The following GNAO1 variants were observed in gnomAD, a reference collection of about 807,000 sequenced individuals.
GNAO1 encodes the protein G protein subunit alpha o1.
For synonymous variants in GNAO1, 164 were observed against 180.7 expected (o/e 0.91, Z 0.74); for missense variants, 166 against 478.7 (o/e 0.35, Z 6.10).
At chr16:56,256,708 C>CTGTGTGTGTGTG (rs1158339826) in intron 2 of GNAO1, among the ~76,000 whole-genome samples, 1 of 119,402 alleles carries the variant, frequency 8.4e-6, no homozygotes, top group African/African-American at 3.4e-5. Context: ...CTCTCTCTCT[C>CTGTGTGTGTGTG]TCTCTCTCTC....
intron 2 of GNAO1, among the ~76,000 whole-genome samples, chr16:56,225,340 T>TA (rs1456934677): frequency 2.0e-5 from 3 of 152,240 alleles, no homozygotes; most frequent in South Asian, 2.1e-4. Flanking sequence ...GGGGAGCTAA[T>TA]ACGTGTTCCT....
At chr16:56,218,873 G>T (rs577196247) in intron 2 of GNAO1, among the ~76,000 whole-genome samples, 2 of 152,300 alleles carry the variant, frequency 1.3e-5, no homozygotes, top group African/African-American at 4.8e-5. Flanking sequence ...TGAACCCATA[G>T]ACCGCTGGTG....
At chr16:56,259,458 C>G (rs2036883132) in intron 2 of GNAO1, among the ~76,000 whole-genome samples, 1 of 152,220 alleles carries the variant, frequency 6.6e-6, no homozygotes, top group African/African-American at 2.4e-5. Flanking sequence ...CCAGCCTGAC[C>G]CACATGCATG....
At chr16:56,288,446 C>G (rs570399441) in intron 3 of GNAO1, among the ~76,000 whole-genome samples, 4 of 152,308 alleles carry the variant, frequency 2.6e-5, no homozygotes, top group African/African-American at 9.6e-5. Context: ...ATATGGGGCA[C>G]GCCAGGAAGT....
At chr16:56,202,931 A>C (rs1378393860) in intron 2 of GNAO1, among the ~76,000 whole-genome samples, 1 of 152,248 alleles carries the variant, frequency 6.6e-6, no homozygotes, top group African/African-American at 2.4e-5. Context: ...TAATAACCTC[A>C]TACACAAACA....
intron 2 of GNAO1, among the ~76,000 whole-genome samples, chr16:56,241,082 C>T (rs369189406): frequency 3.3e-5 from 5 of 152,278 alleles, no homozygotes; most frequent in South Asian, 2.1e-4. Context: ...AGTGGGACCT[C>T]GAGAACCAAG....
At chr16:56,346,116 C>T in intron 6 of GNAO1, 1 of 985,640 alleles carries the variant, frequency 1.0e-6, no homozygotes, top group Non-Finnish European at 1.2e-6. Context: ...TCCTTGGTTT[C>T]TTGCACTGCT....
At chr16:56,223,395 A>C (rs2143373901) in intron 2 of GNAO1, among the ~76,000 whole-genome samples, 1 of 152,246 alleles carries the variant, frequency 6.6e-6, no homozygotes, top group Admixed American at 6.5e-5. Flanking sequence ...CCATTGTTAT[A>C]TCTCTCTCTC....
chr16:56,203,910 A>G (rs977219833), intron 2 of GNAO1, among the ~76,000 whole-genome samples: 1 of 152,154 alleles, frequency 6.6e-6, no homozygotes, highest in Non-Finnish European at 1.5e-5. Context: ...GAGTAGGGCT[A>G]GATTATAGGG....
At chr16:56,280,667 T>C (rs894648532) in intron 3 of GNAO1, among the ~76,000 whole-genome samples, 4 of 152,010 alleles carry the variant, frequency 2.6e-5, no homozygotes, top group Non-Finnish European at 5.9e-5. Flanking sequence ...TGCAAGGGGC[T>C]AGGTGAGGGG....
At chr16:56,208,236 A>G (rs1159206037) in intron 2 of GNAO1, among the ~76,000 whole-genome samples, 1 of 152,212 alleles carries the variant, frequency 6.6e-6, no homozygotes, top group Non-Finnish European at 1.5e-5. Context: ...TTTCCTATGT[A>G]GCATTCATAA....
chr16:56,235,479 C>T (rs753665693), intron 2 of GNAO1: 1 of 451,714 alleles, frequency 2.2e-6, no homozygotes, highest in African/African-American at 2.0e-5. Context: ...TACCATTTCC[C>T]TTTGGCTCCT....
At chr16:56,213,235 ATTCT>A (rs1207695163) in intron 2 of GNAO1, 2 of 398,354 alleles carry the variant, frequency 5.0e-6, no homozygotes, top group South Asian at 1.3e-4. Context: ...CATCGAGGTT[ATTCT>A]TTCTTTCTTC....
In GNAO1 at chr16:56,334,819, C is replaced by A. The variant is rs370565559; in HGVS notation, c.555C>A (p.Ile185=). The change falls in exon 5 of 9, where the codon ATC becomes ATA. Residue 185 remains isoleucine, a synonymous_variant. Transcript: ENST00000262493. ...ILRTRVKTTG[I]VETHFTFKNL... is the part of the protein sequence containing the mutation. ...GAACCAGGGTCAAAACCACTGGCAT[C>A]GTAGAAACCCACTTCACATTCAAGA... 1 of 1,614,058 alleles carries A rather than the reference C, an allele frequency of 6.2e-7. No homozygotes were observed. Among genetic ancestry groups the A allele is most frequent in the Non-Finnish European group, 8.5e-7 (1 of 1,180,008 alleles).
At chr16:56,252,359 G>A (rs2036807403) in intron 2 of GNAO1, among the ~76,000 whole-genome samples, 1 of 152,226 alleles carries the variant, frequency 6.6e-6, no homozygotes, top group Admixed American at 6.5e-5. Context: ...GCTAGGGAAA[G>A]CAGTAAGTGC....
intron 3 of GNAO1, among the ~76,000 whole-genome samples, chr16:56,283,959 A>C (rs2037139231): frequency 1.3e-5 from 2 of 152,114 alleles, no homozygotes; most frequent in Non-Finnish European, 2.9e-5. Flanking sequence ...TACCCAGGGG[A>C]ATATGTGGCA....
At chr16:56,331,938 G>C (rs1189599806) in intron 4 of GNAO1, among the ~76,000 whole-genome samples, 1 of 152,034 alleles carries the variant, frequency 6.6e-6, no homozygotes, top group Non-Finnish European at 1.5e-5. Flanking sequence ...CCCTCTAAAT[G>C]TGTCTCATTC....
At chr16:56,253,284 T>C (rs774739138) in intron 2 of GNAO1, among the ~76,000 whole-genome samples, 2 of 152,184 alleles carry the variant, frequency 1.3e-5, no homozygotes. Context: ...CCTGCCACTT[T>C]GTCTTATCAC....
intron 2 of GNAO1, among the ~76,000 whole-genome samples, chr16:56,199,996 A>G (rs144696195): frequency 1.1e-3 from 164 of 152,360 alleles, no homozygotes; most frequent in African/African-American, 3.7e-3. Context: ...GGAGAATAAT[A>G]CATAAGACTA....
Sources: allele counts gnomAD v4.1 joint callset (sites outside exome capture counted in the v4.1 genomes callset), GRCh38; gene constraint gnomAD v4.1.1; transcripts MANE v1.5; gene names NCBI Gene and HGNC (gene_info 2026-07-23, HGNC 2026-07-21).